Variants in CFAP61 observed in about 807,000 individuals in gnomAD.
The protein encoded by CFAP61 is cilia- and flagella-associated protein 61.
CFAP61 carries 107 observed loss-of-function variants against 135.6 expected under a neutral mutation model. The ratio of observed to expected loss-of-function variants is 0.79; its 90% CI spans 0.67 to 0.93. The LOEUF (loss-of-function observed/expected upper bound fraction) is 0.93. CFAP61 is among the 40% of genes least tolerant of loss of function. The pLI is 0.00. For synonymous variants in CFAP61, 575 were observed against 578.5 expected (o/e 0.99, Z 0.09); for missense variants, 1,507 against 1,556.2 (o/e 0.97, Z 0.53).
At chr20:20,098,875 C>T (rs548489249) in intron 8 of CFAP61, 61 bp downstream of exon 8, 4 of 1,447,502 alleles carry the variant, frequency 2.8e-6, no homozygotes, top group African/African-American at 2.8e-5. Context: ...ACACATTGCG[C>T]TCTTCGCTAA....
chr20:20,168,985 T>C (rs945515770), intron 12 of CFAP61, among the ~76,000 whole-genome samples: 3 of 152,350 alleles, frequency 2.0e-5, no homozygotes, highest in African/African-American at 7.2e-5. Context: ...CCATGCTACC[T>C]CATTGACTTG....
chr20:20,113,230 A>G (rs1380999076), intron 8 of CFAP61, among the ~76,000 whole-genome samples: 3 of 152,166 alleles, frequency 2.0e-5, no homozygotes, highest in Admixed American at 1.3e-4. Flanking sequence ...GACATGGTCT[A>G]TCTTATTCTG....
At chr20:20,288,570 A>G in intron 22 of CFAP61, 39 bp from the exon 23 acceptor site, 1 of 1,497,848 alleles carries the variant, frequency 6.7e-7, no homozygotes, top group South Asian at 1.2e-5. Context: ...TAAAATGAAG[A>G]GTGATAACTG....
intron 26 of CFAP61, among the ~76,000 whole-genome samples, chr20:20,347,601 C>T (rs2058677598): frequency 6.6e-6 from 1 of 152,158 alleles, no homozygotes; most frequent in Non-Finnish European, 1.5e-5. Flanking sequence ...TATTTGCCAA[C>T]CAATTACATA....
At chr20:20,358,594 C>T (rs1183511404) in intron 26 of CFAP61, among the ~76,000 whole-genome samples, 1 of 152,186 alleles carries the variant, frequency 6.6e-6, no homozygotes, top group Non-Finnish European at 1.5e-5. Flanking sequence ...GTTTTCAGAA[C>T]CTCCCAGTAC....
Position 20,228,351 on chromosome 20 carries a change from T to TC in CFAP61, c.2037dup (p.Phe680LeufsTer14). On this transcript the variant is annotated frameshift_variant, in exon 18 of 27. Transcript: ENST00000245957. LOFTEE classifies it high-confidence loss of function. Reference sequence around the variant, plus strand: ...GGTTGGTGCATCCAGTGTTGGAATTTCCTTCCTAGAGACATTGGTATTTTG... The same window carrying TC: ...GGTTGGTGCATCCAGTGTTGGAATTTCCCTTCCTAGAGACATTGGTATTTTG... The TC allele has an allele frequency of 6.2e-7, 1 of 1,611,146 alleles. No homozygotes were observed. Among genetic ancestry groups the TC allele is most frequent in the Non-Finnish European group, 8.5e-7 (1 of 1,177,640 alleles).
intron 17 of CFAP61, chr20:20,221,687 T>G (rs1185533677): frequency 6.6e-6 from 1 of 152,216 alleles, no homozygotes; most frequent in Non-Finnish European, 1.5e-5. Context: ...TAACAAAATG[T>G]AACACAGCTT....
chr20:20,202,701 G>A (rs2056680982), intron 17 of CFAP61, among the ~76,000 whole-genome samples: 1 of 151,990 alleles, frequency 6.6e-6, no homozygotes, highest in Non-Finnish European at 1.5e-5. Flanking sequence ...GCAAGGCTGA[G>A]CAACTGTCAT....
Position 20,269,148 on chromosome 20 carries a change from C to T in CFAP61, c.2503+6018C>T, listed in dbSNP as rs867468152. On this transcript the variant is annotated intron_variant, in intron 21 of 26. Coordinates refer to ENST00000245957, the MANE Select transcript of CFAP61 (RefSeq NM_015585.4). ...ATATATATATATATATATATATATA[C>T]ACACACACACACACACATACATATA... is the stretch of plus-strand genomic sequence containing the variant. Among the ~76,000 whole-genome samples, 332 of 74,244 alleles carry T rather than the reference C, an allele frequency of 4.5e-3. 6 individuals carry two copies. The highest frequency in any genetic ancestry group is 0.013 in the African/African-American group (287 of 21,850). 48.7% of individuals were successfully genotyped at this position (74,244 alleles called of 152,430 possible).
chr20:20,113,065 C>A (rs1175088287), intron 8 of CFAP61, among the ~76,000 whole-genome samples: 1 of 152,040 alleles, frequency 6.6e-6, no homozygotes, highest in Admixed American at 6.6e-5. Context: ...AAATTAAGAT[C>A]TTTTATTACA....
intron 25 of CFAP61, among the ~76,000 whole-genome samples, chr20:20,335,571 C>T (rs941126826): frequency 1.3e-5 from 2 of 152,158 alleles, no homozygotes; most frequent in African/African-American, 4.8e-5. Flanking sequence ...CATACTTCAT[C>T]CCAGAACATA....
Position 20,263,130 on chromosome 20 carries a change from G to A in CFAP61, c.2503G>A (p.Gly835Arg). ...WIRNNSITTE[G>R]NIIVYGNTID... ...AAGGAATAACTCCATCACCACAGAA[G>A]GTAAGGATGTCGGTAACTGTGCATC... The change falls in exon 21 of 27, where the codon GGG (glycine) becomes AGG (arginine). Residue 835 changes from glycine (G) to arginine (R), a missense_variant and splice_region_variant. Gly to Arg is a moderately radical substitution (Grantham distance 125, BLOSUM62 -2). Coordinates refer to ENST00000245957, the MANE Select transcript of CFAP61 (RefSeq NM_015585.4). 2 of 1,608,472 alleles carry A rather than the reference G, an allele frequency of 1.2e-6. No individual in the cohort carries two copies. Among genetic ancestry groups the A allele is most frequent in the Non-Finnish European group, 1.7e-6 (2 of 1,176,494 alleles).
At chr20:20,215,442 C>T (rs868218378) in intron 17 of CFAP61, among the ~76,000 whole-genome samples, 1 of 152,144 alleles carries the variant, frequency 6.6e-6, no homozygotes, top group Non-Finnish European at 1.5e-5. Context: ...CTTAAAACAA[C>T]GGATACCCAT....
rs554830745 is a variant in CFAP61, at chr20:20,187,845, T to C, written c.1386-85T>C. On this transcript the variant is annotated intron_variant, in intron 13 of 26. Transcript: ENST00000245957. Reference sequence around the variant, plus strand: ...TTTACTGGATATTATTTTATATAAGTGTGATATATTACAATTCTGTCTCCA... The same window carrying C: ...TTTACTGGATATTATTTTATATAAGCGTGATATATTACAATTCTGTCTCCA... The C allele has an allele frequency of 5.9e-5, 58 of 990,162 alleles. No homozygotes were observed. The South Asian group carries it at 7.8e-4, about 13-fold the overall frequency. The allele number at this position is 990,162 out of a possible 1,614,324, so 61.3% of individuals were successfully genotyped here. A position where few individuals can be genotyped will look rare whatever the true frequency, so the allele number is the denominator to read the frequency against.
intron 25 of CFAP61, among the ~76,000 whole-genome samples, chr20:20,337,768 A>G (rs2058292962): frequency 6.6e-6 from 1 of 152,108 alleles, no homozygotes; most frequent in African/African-American, 2.4e-5. Flanking sequence ...GCTTTGGGAA[A>G]GGTGTTTACA....
rs780358488 is a variant in CFAP61, at chr20:20,075,599, C to G, written c.550C>G (p.His184Asp). ...CAGGCACAGCCACTATCCTCAGCTG[C>G]ACGTTCGCAAAGCCAGGTACAGTTG... ...CHRHSHYPQL[H>D]VRKARVEDHD... The change falls in exon 6 of 27, where the codon CAC (histidine) becomes GAC (aspartate). Residue 184 changes from histidine to aspartate, a missense_variant. By Grantham distance (81) the His-to-Asp change is moderately conservative. Transcript: ENST00000245957. The G allele has an allele frequency of 2.5e-6, 4 of 1,614,102 alleles. No individual in the cohort carries two copies. The South Asian group carries it at 4.4e-5, about 18-fold the overall frequency.
chr20:20,341,946 G>A, intron 26 of CFAP61, 25 bp downstream of exon 26: 1 of 1,497,600 alleles, frequency 6.7e-7, no homozygotes, highest in Non-Finnish European at 9.3e-7. Context: ...TGGATATGTG[G>A]ATTATTCCTT....
intron 20 of CFAP61, among the ~76,000 whole-genome samples, chr20:20,260,146 C>T (rs1010517206): frequency 2.0e-5 from 3 of 152,196 alleles, no homozygotes; most frequent in Admixed American, 6.5e-5. Context: ...TGCCTACAAA[C>T]TCCTCTTAGT....
intron 17 of CFAP61, among the ~76,000 whole-genome samples, chr20:20,218,352 G>T (rs985626517): frequency 3.3e-5 from 5 of 152,176 alleles, no homozygotes; most frequent in African/African-American, 1.2e-4. Flanking sequence ...CACCATGTAA[G>T]AAGTGCCTTT....
Sources: gnomAD v4.1 joint callset for allele counts (sites outside exome capture counted in the v4.1 genomes callset) on GRCh38, gnomAD v4.1.1 for gene constraint, MANE v1.5 for transcripts, NCBI Gene and HGNC (gene_info 2026-07-23, HGNC 2026-07-21) for gene names.